FSTL4: variants seen among roughly 807,000 people sequenced by gnomAD.
The protein encoded by FSTL4 is follistatin like 4.
In FSTL4, 28 loss-of-function variants were observed where a neutral mutation model predicts 78.2. The ratio of observed to expected loss-of-function variants is 0.36; its 90% CI spans 0.27 to 0.49. The LOEUF is 0.49. Ranked by LOEUF, FSTL4 falls within the 20% of genes least tolerant of loss-of-function variation. The probability of loss-of-function intolerance (pLI) is 0.98; values close to 1 mark genes in which losing one functional copy is unlikely to be tolerated. For synonymous variants in FSTL4, 422 were observed against 440.5 expected, an observed-to-expected ratio of 0.96 and a Z score of 0.53; for missense variants, 922 against 1,084.9, an observed-to-expected ratio of 0.85 and a Z score of 2.11.
intron 2 of FSTL4, among the ~76,000 whole-genome samples, chr5:133,577,041 T>A (rs1760298447): frequency 2.0e-5 from 3 of 152,186 alleles, no homozygotes; most frequent in Admixed American, 2.0e-4. Flanking sequence ...GGCTCCCACT[T>A]ACTGTGCACA....
At chr5:133,514,418 T>C (rs1235214104) in intron 3 of FSTL4, among the ~76,000 whole-genome samples, 6 of 152,002 alleles carry the variant, frequency 3.9e-5, no homozygotes, top group Non-Finnish European at 5.9e-5. Flanking sequence ...TAGGAACCAG[T>C]AAAGAGCAGA....
intron 3 of FSTL4, among the ~76,000 whole-genome samples, chr5:133,532,147 A>G (rs1759267367): frequency 1.3e-5 from 2 of 152,228 alleles, no homozygotes; most frequent in Non-Finnish European, 2.9e-5. Flanking sequence ...ACATGATGAC[A>G]GAAGTAGACA....
the FSTL4 span, among the ~76,000 whole-genome samples, chr5:133,624,457 A>G: frequency 6.6e-6 from 1 of 152,090 alleles, no homozygotes; most frequent in African/African-American, 2.4e-5. Flanking sequence ...ATTACTTCCC[A>G]TAAGGTATGG....
At chr5:133,393,178 A>C (rs1026072321) in intron 4 of FSTL4, among the ~76,000 whole-genome samples, 1 of 131,416 alleles carries the variant, frequency 7.6e-6, no homozygotes, top group Admixed American at 8.7e-5. Context: ...TTGTTTTCAC[A>C]GATGCTGACA....
At chr5:133,489,277 T>C (rs1315863792) in intron 3 of FSTL4, among the ~76,000 whole-genome samples, 1 of 152,174 alleles carries the variant, frequency 6.6e-6, no homozygotes, top group Non-Finnish European at 1.5e-5. Context: ...TTCATTGCAC[T>C]GAGTGTTGGG....
At chr5:133,550,516 CA>C (rs1327545565) in intron 3 of FSTL4, among the ~76,000 whole-genome samples, 1 of 152,150 alleles carries the variant, frequency 6.6e-6, no homozygotes, top group African/African-American at 2.4e-5. Flanking sequence ...TAATAGCTAA[CA>C]ATGATGGCTA....
Position 133,197,403 on chromosome 5 carries a change from A to AAAATAAAT in FSTL4, c.*1691_*1692insATTTATTT, listed in dbSNP as rs1750176270. On this transcript the variant is annotated 3_prime_UTR_variant, in exon 16 of 16. Coordinates refer to ENST00000265342, the MANE Select transcript of FSTL4 (RefSeq NM_015082.2). ...ATCTACATAGCATATCTTTTAAAATAAAAAACAGACGTACCTGTCTAGGCG... is the reference window on the plus strand; with the variant it reads ...ATCTACATAGCATATCTTTTAAAATAAAATAAATAAAAACAGACGTACCTGTCTAGGCG... 2 of 152,062 alleles carry AAAATAAAT rather than the reference A, an allele frequency of 1.3e-5. No individual in the cohort carries two copies. The highest frequency in any genetic ancestry group is 2.4e-5 in the African/African-American group (1 of 41,292). The allele number at this position is 152,062 out of a possible 1,614,324, so 9.4% of individuals were successfully genotyped here. A position where few individuals can be genotyped will look rare whatever the true frequency, so the allele number is the denominator to read the frequency against.
chr5:133,250,118 G>T (rs547211711), intron 6 of FSTL4, among the ~76,000 whole-genome samples: 1 of 152,220 alleles, frequency 6.6e-6, no homozygotes, highest in East Asian at 1.9e-4. Flanking sequence ...CTTGGATTTG[G>T]ATTTCTGTCC....
intron 6 of FSTL4, among the ~76,000 whole-genome samples, chr5:133,286,603 C>T (rs779160473): frequency 6.6e-6 from 1 of 152,172 alleles, no homozygotes; most frequent in Admixed American, 6.5e-5. Flanking sequence ...ATGGATGTTG[C>T]CCCAGCTGGA....
At chr5:133,561,014 G>A (rs1327679141) in intron 3 of FSTL4, among the ~76,000 whole-genome samples, 2 of 151,000 alleles carry the variant, frequency 1.3e-5, no homozygotes, top group Non-Finnish European at 2.9e-5. Flanking sequence ...GCGTGAACCC[G>A]TGAGGCTGAG....
rs905307223 is a variant in FSTL4 at position 133,486,164 on chromosome 5, G to A, written c.160+81022C>T. 7.9e-5 allele frequency among the ~76,000 whole-genome samples: 12 copies of A among 152,088 alleles called. No homozygotes were observed. The East Asian group carries it at 2.3e-3, about 29-fold the overall frequency. ...CGCCTGAGAGACAGAGACAGGATTG[G>A]GGGAAGGAAGGAGAGAGAGATCGGG... On this transcript the variant is annotated intron_variant, in intron 3 of 15. Transcript: ENST00000265342.
At chr5:133,801,622 C>A in the FSTL4 span, among the ~76,000 whole-genome samples, 59 of 152,396 alleles carry the variant, frequency 3.9e-4, no homozygotes, top group African/African-American at 1.3e-3. Flanking sequence ...AGCATAACCA[C>A]AGCGGTGTCC....
chr5:133,217,161 G>A (rs936880928), intron 13 of FSTL4, 68 bp downstream of exon 13: 14 of 1,363,776 alleles, frequency 1.0e-5, no homozygotes, highest in Admixed American at 5.4e-5. Context: ...TATGCAGAAA[G>A]CAAAGAAGAA....
At chr5:133,396,243 C>A (rs1300235857) in intron 4 of FSTL4, among the ~76,000 whole-genome samples, 2 of 152,204 alleles carry the variant, frequency 1.3e-5, no homozygotes, top group South Asian at 4.1e-4. Flanking sequence ...GCTGTTGACA[C>A]TGCGTAGAGA....
chr5:133,712,195 C>G, the FSTL4 span, among the ~76,000 whole-genome samples: 1 of 152,214 alleles, frequency 6.6e-6, no homozygotes, highest in South Asian at 2.1e-4. Context: ...AGACGTTTCC[C>G]ATTAGCTCTA....
chr5:133,620,461 C>A, the FSTL4 span, among the ~76,000 whole-genome samples: 1 of 152,112 alleles, frequency 6.6e-6, no homozygotes, highest in Non-Finnish European at 1.5e-5. Context: ...CAGATGAATG[C>A]AATTTACAGA....
the FSTL4 span, among the ~76,000 whole-genome samples, chr5:133,772,691 A>T: frequency 6.6e-6 from 1 of 152,162 alleles, no homozygotes; most frequent in Non-Finnish European, 1.5e-5. Context: ...GGCCAAATTT[A>T]CTTTTATAAC....
chr5:133,715,040 C>T, the FSTL4 span, among the ~76,000 whole-genome samples: 2 of 152,242 alleles, frequency 1.3e-5, no homozygotes, highest in Non-Finnish European at 2.9e-5. Context: ...AGACATTACT[C>T]AGTCAAATCT....
In FSTL4 at chr5:133,465,518, C is replaced by T. The variant is rs546974903; in HGVS notation, c.161-64532G>A. On this transcript the variant is annotated intron_variant, in intron 3 of 15. Transcript: ENST00000265342. ...TGCTGAGCCCAGCCCATGGTGGGAG[C>T]GGTGGTTGTTCAGGAGTGAGGCAGA... 3.9e-5 allele frequency among the ~76,000 whole-genome samples: 6 copies of T among 152,270 alleles called. No homozygotes were observed. In the South Asian group the frequency reaches 1.0e-3, roughly 26 times the overall value.
Sources: allele counts gnomAD v4.1 joint callset (sites outside exome capture counted in the v4.1 genomes callset), GRCh38; gene constraint gnomAD v4.1.1; transcripts MANE v1.5; gene names NCBI Gene and HGNC (gene_info 2026-07-23, HGNC 2026-07-21).